WSCD2: variants seen among roughly 807,000 people sequenced by gnomAD.
WSCD2 encodes sialate:O-sulfotransferase 2.
Under a neutral mutation model 55.7 loss-of-function variants are expected in WSCD2, and 28 were observed. That is an observed-to-expected ratio of 0.50 (90% CI 0.37 to 0.69). The LOEUF (loss-of-function observed/expected upper bound fraction) is 0.69, where lower values mean the gene tolerates loss of function less well. Ranked by LOEUF, WSCD2 falls within the 30% of genes least tolerant of loss-of-function variation. The pLI is 0.00. For synonymous variants in WSCD2, 301 were observed against 301.9 expected, an observed-to-expected ratio of 1.00 and a Z score of 0.03; for missense variants, 616 against 762.1, an observed-to-expected ratio of 0.81 and a Z score of 2.26.
At position 108,140,309 on chromosome 12, in the gene WSCD2, A is replaced by G. The variant is rs190312510; in HGVS notation, c.-552+10383A>G. On this transcript the variant is annotated intron_variant, in intron 1 of 8. Transcript: ENST00000547525. ...GCGCCTAGCATATGGTACAGGTTAC[A>G]TAAGTGCCAGTTAGTAACATAATGA... 2.6e-3 allele frequency among the ~76,000 whole-genome samples: 401 copies of G among 152,322 alleles called. 3 individuals are homozygous for G. The highest frequency in any genetic ancestry group is 9.2e-3 in the African/African-American group (382 of 41,568).
intron 4 of WSCD2, among the ~76,000 whole-genome samples, chr12:108,220,545 T>G (rs374165957): frequency 1.6e-4 from 25 of 152,298 alleles, no homozygotes; most frequent in African/African-American, 5.3e-4. Flanking sequence ...TACGATTTTT[T>G]TAAAGACAAG....
At chr12:108,163,187 G>C (rs1167188998) in intron 1 of WSCD2, among the ~76,000 whole-genome samples, 2 of 152,094 alleles carry the variant, frequency 1.3e-5, no homozygotes, top group African/African-American at 2.4e-5. Context: ...GGCTAGCATG[G>C]TGAAATCCCG....
At chr12:108,230,978 C>T (rs556046332) in intron 6 of WSCD2, among the ~76,000 whole-genome samples, 2 of 152,098 alleles carry the variant, frequency 1.3e-5, no homozygotes, top group Admixed American at 1.3e-4. Flanking sequence ...CTGGAAGGGG[C>T]TCTTTCTAAA....
At chr12:108,231,901 G>A (rs1470344067) in intron 6 of WSCD2, among the ~76,000 whole-genome samples, 1 of 152,184 alleles carries the variant, frequency 6.6e-6, no homozygotes, top group African/African-American at 2.4e-5. Flanking sequence ...AGACAGGAAG[G>A]GAGGAAGGAA....
At chr12:108,170,173 A>T (rs2374978) in intron 1 of WSCD2, among the ~76,000 whole-genome samples, 93,618 of 151,498 alleles carry the variant, frequency 0.62, 31,849 homozygotes, top group East Asian at 0.91. Flanking sequence ...CCAAACAAGA[A>T]CCACCTTTCA....
chr12:108,144,861 G>A (rs1877223487), intron 1 of WSCD2, among the ~76,000 whole-genome samples: 1 of 152,132 alleles, frequency 6.6e-6, no homozygotes, highest in Admixed American at 6.5e-5. Flanking sequence ...CACAGATGAG[G>A]AAACTCTGAG....
intron 1 of WSCD2, among the ~76,000 whole-genome samples, chr12:108,159,479 C>T (rs565545114): frequency 6.6e-6 from 1 of 152,308 alleles, no homozygotes; most frequent in East Asian, 1.9e-4. Flanking sequence ...AGTGTTATGC[C>T]TCTGGCCACT....
At chr12:108,133,332 T>A (rs1241650771) in intron 1 of WSCD2, among the ~76,000 whole-genome samples, 1 of 152,140 alleles carries the variant, frequency 6.6e-6, no homozygotes, top group Non-Finnish European at 1.5e-5. Context: ...ATGAGTGAAT[T>A]TCTGAGTGGT....
At chr12:108,237,961 G>A (rs1178580891) in intron 7 of WSCD2, among the ~76,000 whole-genome samples, 1 of 152,200 alleles carries the variant, frequency 6.6e-6, no homozygotes, top group Non-Finnish European at 1.5e-5. Context: ...TTAAGAATCT[G>A]TGTGAGTTCT....
rs184230582 is a variant in WSCD2, at chr12:108,237,063, T to C, written c.1145-3281T>C. Among the ~76,000 whole-genome samples the C allele has an allele frequency of 1.1e-4, 16 of 152,314 alleles. No individual in the cohort carries two copies. In the East Asian group the frequency reaches 3.1e-3, roughly 29 times the overall value. On this transcript the variant is annotated intron_variant, in intron 7 of 8. Coordinates refer to ENST00000547525, the MANE Select transcript of WSCD2 (RefSeq NM_014653.4). ...GATGCAGGACAACAATTTCTGAGGA[T>C]TTCCTTGTCCTCAAAACAAATCCCA...
At chr12:108,247,726 A>G (rs1423083510) in intron 8 of WSCD2, among the ~76,000 whole-genome samples, 1 of 151,806 alleles carries the variant, frequency 6.6e-6, no homozygotes, top group East Asian at 1.9e-4. Context: ...CAGCTATTTT[A>G]TTTTATTTTT....
At position 108,250,409 on chromosome 12, in the gene WSCD2, C is replaced by T. The variant is rs1044589457; in HGVS notation, c.*2066C>T. 6.6e-6 allele frequency: 1 copy of T among 152,222 alleles called. No individual in the cohort carries two copies. Among genetic ancestry groups the T allele is most frequent in the Admixed American group, 6.6e-5 (1 of 15,262 alleles). The allele number at this position is 152,222 out of a possible 1,614,324, so 9.4% of individuals were successfully genotyped here. A position where few individuals can be genotyped will look rare whatever the true frequency, so the allele number is the denominator to read the frequency against. ...GTAAAATTGCCTTTGTGTTCTCCTG[C>T]CTTTCTATGTTTTGAAACTGTATCC... On this transcript the variant is annotated 3_prime_UTR_variant, in exon 9 of 9. Transcript: ENST00000547525.
At chr12:108,246,027 T>A (rs1411521058) in intron 8 of WSCD2, among the ~76,000 whole-genome samples, 1 of 152,192 alleles carries the variant, frequency 6.6e-6, no homozygotes, top group African/African-American at 2.4e-5. Flanking sequence ...CAACAACCGT[T>A]CACTGAGCAC....
At chr12:108,171,230 C>T (rs1269597114) in intron 1 of WSCD2, among the ~76,000 whole-genome samples, 4 of 152,214 alleles carry the variant, frequency 2.6e-5, no homozygotes, top group Non-Finnish European at 5.9e-5. Context: ...CCACGATCAC[C>T]ATCTTGTCAC....
At position 108,198,000 on chromosome 12, in the gene WSCD2, C is replaced by G. The variant is rs982097942; in HGVS notation, c.382+1786C>G. Among the ~76,000 whole-genome samples the G allele has an allele frequency of 2.7e-5, 4 of 150,538 alleles. No homozygotes were observed. The Admixed American group carries it at 2.7e-4, about 10-fold the overall frequency. On this transcript the variant is annotated intron_variant, in intron 2 of 8. Coordinates refer to ENST00000547525, the MANE Select transcript of WSCD2 (RefSeq NM_014653.4). ...CCTTTCCTTCAAGTCTTTAATCAAA[C>G]CTCGACTTCCCATAGAGACCATCCC...
chr12:108,182,740 T>G (rs1424259556), intron 1 of WSCD2, among the ~76,000 whole-genome samples: 1 of 152,228 alleles, frequency 6.6e-6, no homozygotes, highest in Non-Finnish European at 1.5e-5. Context: ...TGTGGAGATA[T>G]TTCACCTTTT....
rs141291824 is a variant in WSCD2, at chr12:108,184,673, A to T, written c.-551-10609A>T. Among the ~76,000 whole-genome samples, 24 of 152,242 alleles carry T rather than the reference A, an allele frequency of 1.6e-4. No homozygotes were observed. In the East Asian group the frequency reaches 4.4e-3, roughly 28 times the overall value. ...GGGTTCCTCATCTGTAAAACATCAG[A>T]CTTGAACTAGCTGGTGTCTAAGGGC... On this transcript the variant is annotated intron_variant, in intron 1 of 8. Coordinates refer to ENST00000547525, the MANE Select transcript of WSCD2 (RefSeq NM_014653.4).
intron 1 of WSCD2, among the ~76,000 whole-genome samples, chr12:108,188,014 T>C (rs1882725742): frequency 6.6e-6 from 1 of 152,248 alleles, no homozygotes; most frequent in Non-Finnish European, 1.5e-5. Context: ...AATTTTAATA[T>C]TTATTTATAA....
At chr12:108,164,099 T>TAG (rs1430015317) in intron 1 of WSCD2, among the ~76,000 whole-genome samples, 2 of 150,574 alleles carry the variant, frequency 1.3e-5, no homozygotes, top group Non-Finnish European at 2.9e-5. Flanking sequence ...ACTAGACCTG[T>TAG]AGCCCTTCAC....
Sources: allele counts gnomAD v4.1 joint callset (sites outside exome capture counted in the v4.1 genomes callset), GRCh38; gene constraint gnomAD v4.1.1; transcripts MANE v1.5; gene names NCBI Gene and HGNC (gene_info 2026-07-23, HGNC 2026-07-21).